FBXW8: variants seen among roughly 807,000 people sequenced by gnomAD.
FBXW8 encodes the protein F-box/WD repeat-containing protein 8.
FBXW8 carries 57 observed loss-of-function variants against 65.3 expected under a neutral mutation model. The ratio of observed to expected loss-of-function variants is 0.87; its 90% CI spans 0.71 to 1.09. The LOEUF is 1.09. FBXW8 is among the 50% of genes least tolerant of loss of function. The probability of loss-of-function intolerance (pLI) is 0.00; values close to 1 mark genes in which losing one functional copy is unlikely to be tolerated. For missense variants in FBXW8, 777 were observed against 814.8 expected, an observed-to-expected ratio of 0.95 and a Z score of 0.57; for synonymous variants, 308 against 330.2, an observed-to-expected ratio of 0.93 and a Z score of 0.73.
At chr12:116,969,586 T>C (rs1427056338) in intron 5 of FBXW8, among the ~76,000 whole-genome samples, 1 of 152,208 alleles carries the variant, frequency 6.6e-6, no homozygotes, top group African/African-American at 2.4e-5. Flanking sequence ...TGGGTTCTGC[T>C]GTCTAAAATT....
intron 1 of FBXW8, among the ~76,000 whole-genome samples, chr12:116,915,677 G>T (rs1880351843): frequency 5.6e-5 from 6 of 107,100 alleles, no homozygotes; most frequent in Admixed American, 2.7e-4. Context: ...TTGGGAGATA[G>T]AGTCTTACCC....
intron 5 of FBXW8, among the ~76,000 whole-genome samples, chr12:116,970,828 G>T (rs1163296862): frequency 6.6e-6 from 1 of 151,980 alleles, no homozygotes; most frequent in Non-Finnish European, 1.5e-5. Context: ...CAAGGCCTTT[G>T]TTTTCCAGTC....
intron 2 of FBXW8, among the ~76,000 whole-genome samples, chr12:116,928,565 T>G (rs1402398415): frequency 5.3e-5 from 8 of 152,200 alleles, no homozygotes; most frequent in Admixed American, 5.2e-4. Context: ...TTTAGGTGTA[T>G]AGTCCAAATT....
In FBXW8 at chr12:116,911,372, T is replaced by TCCCCC; in HGVS notation, c.318+20_318+24dup. The TCCCCC allele has an allele frequency of 1.6e-6, 2 of 1,237,222 alleles. No individual in the cohort carries two copies. Among genetic ancestry groups the TCCCCC allele is most frequent in the South Asian group, 3.1e-5 (1 of 32,590 alleles). The allele number at this position is 1,237,222 out of a possible 1,614,324, so 76.6% of individuals were successfully genotyped here. ...CGCGACCTGGTGAGTGGCCGTCGCC[T>TCCCCC]CCCCCCCGCCCATGCCTGCGCCGGC... On this transcript the variant is annotated intron_variant, in intron 1 of 10. Transcript: ENST00000652555.
chr12:116,999,045 CTT>C (rs1953446192), intron 7 of FBXW8, among the ~76,000 whole-genome samples: 3 of 152,162 alleles, frequency 2.0e-5, no homozygotes, highest in South Asian at 2.1e-4. Context: ...TTGTAATTAA[CTT>C]ATCAATTACT....
At chr12:116,917,757 C>T (rs1386079150) in intron 1 of FBXW8, among the ~76,000 whole-genome samples, 1 of 152,058 alleles carries the variant, frequency 6.6e-6, no homozygotes, top group East Asian at 1.9e-4. Flanking sequence ...CTTTGGGAGG[C>T]CGAGGTGGAT....
intron 1 of FBXW8, among the ~76,000 whole-genome samples, chr12:116,918,113 G>T (rs975696856): frequency 1.3e-5 from 2 of 152,118 alleles, no homozygotes; most frequent in African/African-American, 4.8e-5. Flanking sequence ...GAATACCTCA[G>T]TTGGCACCTG....
intron 8 of FBXW8, among the ~76,000 whole-genome samples, chr12:117,022,406 G>A (rs1215550385): frequency 1.3e-5 from 2 of 150,794 alleles, no homozygotes; most frequent in African/African-American, 4.9e-5. Context: ...TGTAATCCCG[G>A]CACTTTAGGA....
chr12:116,973,529 G>GA (rs1384269168), intron 5 of FBXW8, among the ~76,000 whole-genome samples: 2 of 152,198 alleles, frequency 1.3e-5, no homozygotes, highest in Non-Finnish European at 2.9e-5. Context: ...GATGCAGTGA[G>GA]AAAAAACACA....
chr12:116,953,886 C>A (rs972244208), intron 4 of FBXW8, among the ~76,000 whole-genome samples: 1 of 151,990 alleles, frequency 6.6e-6, no homozygotes, highest in African/African-American at 2.4e-5. Context: ...GAGGCCTAGG[C>A]GGGCAGATCA....
At chr12:117,010,269 A>C in intron 7 of FBXW8, 54 bp from the exon 8 acceptor site, 2 of 1,611,560 alleles carry the variant, frequency 1.2e-6, no homozygotes, top group Non-Finnish European at 1.7e-6. Flanking sequence ...AAAGTATTTG[A>C]TGTCGGCCTG....
chr12:117,027,961 C>G, intron 10 of FBXW8, 67 bp from the exon 11 acceptor site: 1 of 1,601,358 alleles, frequency 6.2e-7, no homozygotes, highest in Non-Finnish European at 8.5e-7. Flanking sequence ...CCTGCACAGA[C>G]AGAAGCGGCT....
In FBXW8 at chr12:116,930,868, T is replaced by TA. The variant is rs1465106049; in HGVS notation, c.423+2742dup. Among the ~76,000 whole-genome samples the TA allele has an allele frequency of 2.6e-5, 4 of 152,328 alleles. No homozygotes were observed. The East Asian group carries it at 7.7e-4, about 29-fold the overall frequency. ...TGTTGCCCAGGCTGGCATGCAGTGGTACAATCGTAGCTCACTGTAGCCTCA... is the reference window on the plus strand; with the variant it reads ...TGTTGCCCAGGCTGGCATGCAGTGGTAACAATCGTAGCTCACTGTAGCCTCA... On this transcript the variant is annotated intron_variant, in intron 2 of 10. Coordinates refer to ENST00000652555, the MANE Select transcript of FBXW8 (RefSeq NM_153348.3).
intron 5 of FBXW8, among the ~76,000 whole-genome samples, chr12:116,984,248 A>G (rs1415352398): frequency 6.6e-6 from 1 of 152,116 alleles, no homozygotes; most frequent in African/African-American, 2.4e-5. Context: ...CTGGTCCTAA[A>G]CTCCAGTGGA....
At chr12:116,993,159 A>C (rs899945502) in intron 7 of FBXW8, among the ~76,000 whole-genome samples, 1 of 125,120 alleles carries the variant, frequency 8.0e-6, no homozygotes, top group African/African-American at 3.1e-5. Context: ...GCTGGATTGC[A>C]GTGGTGTGAT....
chr12:117,022,132 T>G (rs1954113921), intron 8 of FBXW8, among the ~76,000 whole-genome samples: 1 of 152,120 alleles, frequency 6.6e-6, no homozygotes, highest in Non-Finnish European at 1.5e-5. Context: ...CTGGCCAAAG[T>G]CACTTGTTCT....
intron 1 of FBXW8, among the ~76,000 whole-genome samples, chr12:116,912,860 T>C (rs1880103923): frequency 6.6e-6 from 1 of 152,234 alleles, no homozygotes; most frequent in South Asian, 2.1e-4. Context: ...TAGCTACTAT[T>C]TGAGTTTTTA....
At chr12:117,014,173 C>T (rs182843019) in intron 8 of FBXW8, among the ~76,000 whole-genome samples, 2 of 152,314 alleles carry the variant, frequency 1.3e-5, no homozygotes, top group African/African-American at 4.8e-5. Context: ...GCTCTGACTT[C>T]AGGTTTATGG....
Position 116,988,711 on chromosome 12 carries a change from G to A in FBXW8, c.1081G>A (p.Val361Ile). The change falls in exon 7 of 11, where the codon GTA becomes ATA. Residue 361 changes from valine to isoleucine, a missense_variant. Val to Ile is a conservative substitution (Grantham distance 29). Transcript: ENST00000652555. ...AGAAACCAGAAGGTACCCTGTGGCA[G>A]TAGCCGCTGCTGGAGATCTGATGTA... ...VPETRRYPVA[V>I]AAAGDLMYLL... is the part of the protein sequence containing the mutation. 2 of 1,614,180 alleles carry A rather than the reference G, an allele frequency of 1.2e-6. No homozygotes were observed. The highest frequency in any genetic ancestry group is 1.7e-6 in the Non-Finnish European group (2 of 1,180,038).
Sources: gnomAD v4.1 joint callset for allele counts (sites outside exome capture counted in the v4.1 genomes callset) on GRCh38, gnomAD v4.1.1 for gene constraint, MANE v1.5 for transcripts, NCBI Gene and HGNC (gene_info 2026-07-23, HGNC 2026-07-21) for gene names.